The following PLD5 variants were observed in gnomAD, a reference collection of about 807,000 sequenced individuals.
PLD5 encodes inactive phospholipase D5.
Under a neutral mutation model 61.1 loss-of-function variants are expected in PLD5, and 36 were observed. That is an observed-to-expected ratio of 0.59 (90% CI 0.45 to 0.78). The LOEUF is 0.78. Among genes scored for constraint, PLD5 ranks in the 30% least tolerant of loss-of-function variants. The pLI, the probability that PLD5 is intolerant of heterozygous loss-of-function variation, is 0.00. For missense variants in PLD5, 515 were observed against 644.4 expected, an observed-to-expected ratio of 0.80 and a Z score of 2.17; for synonymous variants, 243 against 242.8, an observed-to-expected ratio of 1.00 and a Z score of -0.01.
At chr1:242,443,996 TC>T (rs1666390751) in intron 1 of PLD5, among the ~76,000 whole-genome samples, 1 of 152,308 alleles carries the variant, frequency 6.6e-6, no homozygotes, top group African/African-American at 2.4e-5. Flanking sequence ...CTGTGCAGCA[TC>T]CATCATGAAT....
intron 1 of PLD5, among the ~76,000 whole-genome samples, chr1:242,363,294 TA>T (rs1330453432): frequency 6.6e-6 from 1 of 151,306 alleles, no homozygotes; most frequent in Non-Finnish European, 1.5e-5. Context: ...GTCTGGAAAA[TA>T]AAACAGAAAA....
At chr1:242,211,890 G>C (rs1371828362) in intron 5 of PLD5, among the ~76,000 whole-genome samples, 1 of 152,186 alleles carries the variant, frequency 6.6e-6, no homozygotes, top group African/African-American at 2.4e-5. Context: ...AAAGCTAGTG[G>C]AGCCTATGTT....
At chr1:242,426,872 G>A (rs1665456812) in intron 1 of PLD5, among the ~76,000 whole-genome samples, 3 of 152,186 alleles carry the variant, frequency 2.0e-5, no homozygotes, top group Non-Finnish European at 2.9e-5. Flanking sequence ...CCAATGGCAT[G>A]TGAGCAGAAG....
At chr1:242,339,691 G>A (rs1337742090) in intron 2 of PLD5, among the ~76,000 whole-genome samples, 2 of 152,244 alleles carry the variant, frequency 1.3e-5, no homozygotes, top group Non-Finnish European at 2.9e-5. Flanking sequence ...GTTGACAGAG[G>A]GGCTAGTTTT....
intron 2 of PLD5, among the ~76,000 whole-genome samples, chr1:242,312,396 G>A (rs1208119040): frequency 6.6e-6 from 1 of 151,960 alleles, no homozygotes; most frequent in Admixed American, 6.6e-5. Context: ...ATCTTCCTTG[G>A]ACCTGTGTGC....
At chr1:242,299,025 GAAAAA>G (rs142086967) in intron 2 of PLD5, among the ~76,000 whole-genome samples, 56 of 141,552 alleles carry the variant, frequency 4.0e-4, no homozygotes, top group African/African-American at 1.4e-3. Context: ...CAGGTGATTG[GAAAAA>G]AAAAAAAGTG....
intron 2 of PLD5, among the ~76,000 whole-genome samples, chr1:242,309,997 T>G (rs1315976289): frequency 1.3e-5 from 2 of 151,592 alleles, no homozygotes; most frequent in Non-Finnish European, 2.9e-5. Context: ...ACAGTGGGTT[T>G]TCAGTCTTCA....
At chr1:242,344,523 T>C (rs192870075) in intron 2 of PLD5, among the ~76,000 whole-genome samples, 6 of 152,318 alleles carry the variant, frequency 3.9e-5, no homozygotes, top group Admixed American at 2.6e-4. Context: ...AGGTTGTGAA[T>C]AGAGAAGAGG....
chr1:242,332,309 C>T (rs1303883407), intron 2 of PLD5, among the ~76,000 whole-genome samples: 4 of 151,998 alleles, frequency 2.6e-5, no homozygotes, highest in Non-Finnish European at 4.4e-5. Flanking sequence ...GGGTTGGTTC[C>T]GAGTCTTTGC....
At chr1:242,260,663 A>G (rs1157798103) in intron 4 of PLD5, among the ~76,000 whole-genome samples, 1 of 152,262 alleles carries the variant, frequency 6.6e-6, no homozygotes, top group Non-Finnish European at 1.5e-5. Flanking sequence ...AAATTTTTGT[A>G]AAGTAACTTT....
At position 242,395,062 on chromosome 1, in the gene PLD5, T is replaced by TATATATGAATATATATGA. The variant is rs1491570193; in HGVS notation, c.190-46821_190-46820insTCATATATATTCATATAT. Among the ~76,000 whole-genome samples the TATATATGAATATATATGA allele has an allele frequency of 1.5e-3, 85 of 58,430 alleles. 7 individuals are homozygous for TATATATGAATATATATGA. Among genetic ancestry groups the TATATATGAATATATATGA allele is most frequent in the Admixed American group, 7.4e-3 (36 of 4,854 alleles). 38.3% of individuals were successfully genotyped at this position (58,430 alleles called of 152,430 possible). On this transcript the variant is annotated intron_variant, in intron 1 of 9. Coordinates refer to ENST00000536534, the MANE Select transcript of PLD5 (RefSeq NM_001372062.1). ...GTATATGTATATATGAATATATATG[T>TATATATGAATATATATGA]ATATATATGAATATATATGTATATA...
At chr1:242,416,310 A>T (rs1347033566) in intron 1 of PLD5, among the ~76,000 whole-genome samples, 2 of 152,160 alleles carry the variant, frequency 1.3e-5, no homozygotes, top group Admixed American at 6.5e-5. Flanking sequence ...TGAAGGTTGT[A>T]TTATACTCTT....
intron 5 of PLD5, among the ~76,000 whole-genome samples, chr1:242,149,498 A>G (rs929935017): frequency 6.6e-6 from 1 of 150,964 alleles, no homozygotes; most frequent in Non-Finnish European, 1.5e-5. Context: ...TGAGTTGGAA[A>G]GTGTTTTACT....
At chr1:242,528,060 T>C (rs1282599405), upstream of PLD5, among the ~76,000 whole-genome samples, 1 of 152,234 alleles carries the variant, frequency 6.6e-6, no homozygotes, top group Non-Finnish European at 1.5e-5. Flanking sequence ...AATGACTGAA[T>C]GGGTGCTAAC....
Position 242,474,205 on chromosome 1 carries a change from C to T in PLD5, c.189+49883G>A, listed in dbSNP as rs75442697. ...GGCAAAACCGCAATTACTTTTGCAA[C>T]AACCTAATATAAGCCTCAATCTCTC... On this transcript the variant is annotated intron_variant, in intron 1 of 9. Coordinates refer to ENST00000536534, the MANE Select transcript of PLD5 (RefSeq NM_001372062.1). Among the ~76,000 whole-genome samples, 972 of 152,282 alleles carry T rather than the reference C, an allele frequency of 6.4e-3. 11 individuals carry two copies. The highest frequency in any genetic ancestry group is 0.022 in the African/African-American group (912 of 41,540).
intron 1 of PLD5, among the ~76,000 whole-genome samples, chr1:242,442,377 A>C (rs1190507831): frequency 6.6e-6 from 1 of 152,208 alleles, no homozygotes; most frequent in Non-Finnish European, 1.5e-5. Context: ...CAAGATTTCC[A>C]TCTACGTGCA....
chr1:242,154,566 T>A (rs577974628), intron 5 of PLD5, among the ~76,000 whole-genome samples: 1 of 152,312 alleles, frequency 6.6e-6, no homozygotes, highest in Non-Finnish European at 1.5e-5. Flanking sequence ...GGTGTTGAAT[T>A]TTGTCAAAGG....
chr1:242,334,175 G>A (rs559355990), intron 2 of PLD5, among the ~76,000 whole-genome samples: 11 of 152,222 alleles, frequency 7.2e-5, no homozygotes, highest in African/African-American at 1.9e-4. Context: ...GAAGCCCAGT[G>A]TTACCACCTG....
At chr1:242,499,478 T>C (rs1331161914) in intron 1 of PLD5, among the ~76,000 whole-genome samples, 2 of 152,240 alleles carry the variant, frequency 1.3e-5, no homozygotes, top group Non-Finnish European at 2.9e-5. Context: ...ATCATATATC[T>C]GTATCTACAT....
Sources: gnomAD v4.1 joint callset for allele counts (sites outside exome capture counted in the v4.1 genomes callset) on GRCh38, gnomAD v4.1.1 for gene constraint, MANE v1.5 for transcripts, NCBI Gene and HGNC (gene_info 2026-07-23, HGNC 2026-07-21) for gene names.